Variants in SYN2 observed in about 807,000 individuals in gnomAD.
SYN2 encodes synapsin-2.
In SYN2, 19 loss-of-function variants were observed where a neutral mutation model predicts 50.9. That is an observed-to-expected ratio of 0.37 (90% CI 0.26 to 0.55). The LOEUF (loss-of-function observed/expected upper bound fraction) is 0.55. Ranked by LOEUF, SYN2 falls within the 20% of genes least tolerant of loss-of-function variation. The pLI, the probability that SYN2 is intolerant of heterozygous loss-of-function variation, is 0.81. For synonymous variants in SYN2, 255 were observed against 224.9 expected (o/e 1.13, Z -1.20); for missense variants, 587 against 576.4 (o/e 1.02, Z -0.19).
intron 1 of SYN2, among the ~76,000 whole-genome samples, chr3:12,041,242 G>C (rs1694604135): frequency 6.6e-6 from 1 of 152,178 alleles, no homozygotes; most frequent in South Asian, 2.1e-4. Context: ...CCCAGAGGAA[G>C]AGCTGTCCAA....
chr3:12,064,423 G>A (rs1481676689), intron 1 of SYN2, among the ~76,000 whole-genome samples: 2 of 151,980 alleles, frequency 1.3e-5, no homozygotes, highest in African/African-American at 4.8e-5. Flanking sequence ...TAAAACTTGT[G>A]CTTCAAATGA....
chr3:12,168,532 G>A, intron 9 of SYN2, 54 bp downstream of exon 9: 1 of 1,468,142 alleles, frequency 6.8e-7, no homozygotes, highest in Non-Finnish European at 9.5e-7. Context: ...GAACTATGTG[G>A]GCAGCTCAGA....
intron 1 of SYN2, among the ~76,000 whole-genome samples, chr3:12,101,143 G>GA (rs1378138660): frequency 6.6e-6 from 1 of 152,098 alleles, no homozygotes; most frequent in Non-Finnish European, 1.5e-5. Flanking sequence ...ATAACCAAGA[G>GA]AACTGAAGAT....
intron 1 of SYN2, among the ~76,000 whole-genome samples, chr3:12,011,954 CT>C (rs1693918255): frequency 6.6e-6 from 1 of 152,202 alleles, no homozygotes; most frequent in African/African-American, 2.4e-5. Context: ...AGTGTTACAT[CT>C]TTCCCTGTTT....
intron 1 of SYN2, among the ~76,000 whole-genome samples, chr3:12,085,023 G>A (rs1405958087): frequency 1.3e-5 from 2 of 151,702 alleles, no homozygotes; most frequent in African/African-American, 4.8e-5. Context: ...CAAATTGGCT[G>A]TAGTAAGTCC....
At chr3:12,121,805 A>G (rs903250981) in intron 1 of SYN2, among the ~76,000 whole-genome samples, 1 of 152,172 alleles carries the variant, frequency 6.6e-6, no homozygotes, top group African/African-American at 2.4e-5. Context: ...ATTGGCTCAG[A>G]TGATTGTGGG....
intron 10 of SYN2, among the ~76,000 whole-genome samples, chr3:12,174,497 T>G (rs1475105293): frequency 2.6e-5 from 4 of 152,188 alleles, no homozygotes; most frequent in Non-Finnish European, 5.9e-5. Context: ...TTTTGCATTT[T>G]TTTTGAGACA....
intron 1 of SYN2, among the ~76,000 whole-genome samples, chr3:12,041,119 T>A (rs755046177): frequency 6.6e-6 from 1 of 152,162 alleles, no homozygotes; most frequent in Non-Finnish European, 1.5e-5. Flanking sequence ...ACAGACTGAC[T>A]CAGACCTGCC....
chr3:12,118,085 G>C (rs1313623644), intron 1 of SYN2, among the ~76,000 whole-genome samples: 1 of 152,208 alleles, frequency 6.6e-6, no homozygotes, highest in Non-Finnish European at 1.5e-5. Flanking sequence ...AAACAGCAGT[G>C]ACCCTTTAGT....
chr3:12,144,698 A>G (rs1697104465), intron 3 of SYN2, among the ~76,000 whole-genome samples: 1 of 152,174 alleles, frequency 6.6e-6, no homozygotes, highest in Non-Finnish European at 1.5e-5. Flanking sequence ...AAATGTCAGA[A>G]TTCTGTTCCT....
intron 1 of SYN2, among the ~76,000 whole-genome samples, chr3:12,090,593 A>G (rs1348564146): frequency 6.6e-6 from 1 of 152,194 alleles, no homozygotes; most frequent in Non-Finnish European, 1.5e-5. Flanking sequence ...AACTTTTAGT[A>G]ACTGAGGCTT....
At chr3:12,124,891 G>A (rs764733140) in intron 1 of SYN2, among the ~76,000 whole-genome samples, 13 of 152,170 alleles carry the variant, frequency 8.5e-5, no homozygotes, top group Non-Finnish European at 1.3e-4. Context: ...GATTTCAACA[G>A]TGTATATTAA....
At chr3:12,099,201 C>G (rs995507697) in intron 1 of SYN2, among the ~76,000 whole-genome samples, 14 of 152,056 alleles carry the variant, frequency 9.2e-5, no homozygotes, top group African/African-American at 3.4e-4. Flanking sequence ...TTGAACAACA[C>G]CAAAGCCAAC....
At chr3:12,133,547 TAATC>T (rs1300323211) in intron 1 of SYN2, among the ~76,000 whole-genome samples, 9 of 152,248 alleles carry the variant, frequency 5.9e-5, no homozygotes, top group Non-Finnish European at 2.9e-5. Context: ...CTCCTAGACC[TAATC>T]AATCAAGTGA....
intron 1 of SYN2, among the ~76,000 whole-genome samples, chr3:12,041,045 G>T (rs1694600601): frequency 6.6e-6 from 1 of 152,188 alleles, no homozygotes; most frequent in African/African-American, 2.4e-5. Context: ...GAGCTTATGT[G>T]TCCAGGCATC....
At chr3:12,089,064 AAATT>A (rs1299138729) in intron 1 of SYN2, among the ~76,000 whole-genome samples, 1 of 152,256 alleles carries the variant, frequency 6.6e-6, no homozygotes, top group Non-Finnish European at 1.5e-5. Context: ...AATGGTGAAT[AAATT>A]AGCTTGATTT....
intron 1 of SYN2, among the ~76,000 whole-genome samples, chr3:12,029,234 A>G (rs1261538389): frequency 7.6e-6 from 1 of 132,214 alleles, no homozygotes; most frequent in Non-Finnish European, 1.5e-5. Context: ...CCATTCATCT[A>G]TATCTCTGTT....
At chr3:12,086,339 G>A (rs1055551301) in intron 1 of SYN2, among the ~76,000 whole-genome samples, 2 of 152,124 alleles carry the variant, frequency 1.3e-5, no homozygotes, top group African/African-American at 4.8e-5. Flanking sequence ...AAATGGAAGA[G>A]GAGGGAATAC....
chr3:12,111,461 A>G (rs566131618), intron 1 of SYN2, among the ~76,000 whole-genome samples: 27 of 152,302 alleles, frequency 1.8e-4, no homozygotes, highest in Admixed American at 1.5e-3. Context: ...TTGACCCTCA[A>G]TAAAGGTTGT....
Sources: allele counts gnomAD v4.1 joint callset (sites outside exome capture counted in the v4.1 genomes callset), GRCh38; gene constraint gnomAD v4.1.1; transcripts MANE v1.5; gene names NCBI Gene and HGNC (gene_info 2026-07-23, HGNC 2026-07-21).